The following INPP4B variants were observed in gnomAD, a reference collection of about 807,000 sequenced individuals.
The protein encoded by INPP4B is inositol polyphosphate 4-phosphatase type II.
Under a neutral mutation model 122.5 loss-of-function variants are expected in INPP4B, and 55 were observed. The observed-to-expected ratio is 0.45, with a 90% confidence interval of 0.36 to 0.56. The LOEUF is 0.56. Among genes scored for constraint, INPP4B ranks in the 20% least tolerant of loss-of-function variants. The pLI, the probability that INPP4B is intolerant of heterozygous loss-of-function variation, is 0.00. For missense variants in INPP4B, 1,000 were observed against 1,097.7 expected (o/e 0.91, Z 1.26); for synonymous variants, 403 against 388.7 (o/e 1.04, Z -0.43).
intron 1 of INPP4B, among the ~76,000 whole-genome samples, chr4:142,733,326 T>C (rs1766365701): frequency 6.6e-6 from 1 of 152,184 alleles, no homozygotes; most frequent in Non-Finnish European, 1.5e-5. Flanking sequence ...TAAAAACTTC[T>C]GTTTACCAAA....
At chr4:142,399,915 G>A (rs984334742) in intron 7 of INPP4B, among the ~76,000 whole-genome samples, 1 of 152,110 alleles carries the variant, frequency 6.6e-6, no homozygotes, top group African/African-American at 2.4e-5. Context: ...GAATGGGAAG[G>A]ATGAAGGATG....
chr4:142,443,291 G>A (rs1233762205), intron 3 of INPP4B, among the ~76,000 whole-genome samples: 1 of 152,150 alleles, frequency 6.6e-6, no homozygotes, highest in East Asian at 1.9e-4. Flanking sequence ...ATGATTGGAA[G>A]CAGAGTGGGT....
intron 7 of INPP4B, among the ~76,000 whole-genome samples, chr4:142,336,295 C>T (rs1356558356): frequency 2.6e-5 from 4 of 152,202 alleles, no homozygotes; most frequent in African/African-American, 7.2e-5. Flanking sequence ...CTCCCTCCCA[C>T]TTGAGGGGTA....
chr4:142,688,444 T>G (rs1759691097), intron 2 of INPP4B, among the ~76,000 whole-genome samples: 1 of 152,122 alleles, frequency 6.6e-6, no homozygotes, highest in South Asian at 2.1e-4. Context: ...TGGAAAACAT[T>G]TATCTTTCAA....
chr4:142,804,907 T>C (rs1272554790), intron 1 of INPP4B, among the ~76,000 whole-genome samples: 1 of 152,152 alleles, frequency 6.6e-6, no homozygotes, highest in Non-Finnish European at 1.5e-5. Context: ...GCTCAAGCGA[T>C]CCACTGGCCT....
chr4:142,064,661 CTAATA>C (rs1242032927), intron 25 of INPP4B, among the ~76,000 whole-genome samples: 3 of 151,926 alleles, frequency 2.0e-5, no homozygotes, highest in Non-Finnish European at 4.4e-5. Context: ...CTTGACAGCT[CTAATA>C]TGTCTTTTTC....
At chr4:142,844,043 G>C (rs535548049) in intron 1 of INPP4B, among the ~76,000 whole-genome samples, 108 of 152,130 alleles carry the variant, frequency 7.1e-4, no homozygotes, top group Non-Finnish European at 1.4e-3. Flanking sequence ...GTCTATGATA[G>C]TAGAGCGATT....
chr4:142,124,233 C>A (rs1005547409), intron 19 of INPP4B, among the ~76,000 whole-genome samples: 8 of 152,128 alleles, frequency 5.3e-5, no homozygotes, highest in Non-Finnish European at 7.3e-5. Flanking sequence ...TTTGCCAAGT[C>A]CTAGCTTGTC....
intron 3 of INPP4B, among the ~76,000 whole-genome samples, chr4:142,459,629 C>T (rs1816290076): frequency 6.6e-6 from 1 of 152,112 alleles, no homozygotes; most frequent in Non-Finnish European, 1.5e-5. Flanking sequence ...ATTATTCAGT[C>T]TGGCTAGAAT....
chr4:142,176,176 T>C (rs776343556), intron 15 of INPP4B, among the ~76,000 whole-genome samples: 1 of 149,294 alleles, frequency 6.7e-6, no homozygotes, highest in Non-Finnish European at 1.5e-5. Context: ...CTAGGGTACA[T>C]GTGCATAACA....
intron 2 of INPP4B, among the ~76,000 whole-genome samples, chr4:142,600,046 T>C (rs1018564628): frequency 1.2e-4 from 18 of 152,076 alleles, no homozygotes; most frequent in Non-Finnish European, 1.0e-4. Flanking sequence ...ACAAAATATA[T>C]GAATTATTGA....
chr4:142,173,538 C>A, intron 16 of INPP4B, 94 bp downstream of exon 16: 1 of 1,044,184 alleles, frequency 9.6e-7, no homozygotes. Flanking sequence ...TTTTACATTT[C>A]CAGATGCTAT....
chr4:142,750,959 A>G (rs1769597957), intron 1 of INPP4B, among the ~76,000 whole-genome samples: 1 of 152,130 alleles, frequency 6.6e-6, no homozygotes, highest in African/African-American at 2.4e-5. Flanking sequence ...TTAATAAGGA[A>G]CATTCTCAAA....
intron 2 of INPP4B, among the ~76,000 whole-genome samples, chr4:142,621,437 A>T (rs1289294866): frequency 6.6e-6 from 1 of 151,966 alleles, no homozygotes. Flanking sequence ...ATTGCTTTAG[A>T]TGGGTGTCAA....
At chr4:142,557,558 C>T (rs1320260693) in intron 2 of INPP4B, among the ~76,000 whole-genome samples, 5 of 152,142 alleles carry the variant, frequency 3.3e-5, no homozygotes, top group African/African-American at 1.2e-4. Context: ...GGAATACACT[C>T]AGGATTGCAG....
At chr4:142,088,740 G>T (rs1778035339) in intron 23 of INPP4B, among the ~76,000 whole-genome samples, 1 of 152,174 alleles carries the variant, frequency 6.6e-6, no homozygotes, top group Non-Finnish European at 1.5e-5. Flanking sequence ...ATGAGAAAAA[G>T]AAATAACTTA....
intron 7 of INPP4B, among the ~76,000 whole-genome samples, chr4:142,381,592 A>C (rs959863028): frequency 6.6e-6 from 1 of 152,036 alleles, no homozygotes; most frequent in African/African-American, 2.4e-5. Context: ...TCTTTTCTGG[A>C]CTTCTTAAGA....
chr4:142,595,783 C>A (rs1293136573), intron 2 of INPP4B, among the ~76,000 whole-genome samples: 1 of 152,130 alleles, frequency 6.6e-6, no homozygotes, highest in Admixed American at 6.5e-5. Context: ...GGTCACTTAG[C>A]ATCATTTTCC....
chr4:142,818,281 A>G (rs1318844088), intron 1 of INPP4B, among the ~76,000 whole-genome samples: 1 of 152,164 alleles, frequency 6.6e-6, no homozygotes, highest in Non-Finnish European at 1.5e-5. Context: ...AAGACCATCC[A>G]TCACTCCTTC....
Sources: allele counts gnomAD v4.1 joint callset (sites outside exome capture counted in the v4.1 genomes callset), GRCh38; gene constraint gnomAD v4.1.1; transcripts MANE v1.5; gene names NCBI Gene and HGNC (gene_info 2026-07-23, HGNC 2026-07-21).